ENY2: variants seen among roughly 807,000 people sequenced by gnomAD.
The protein encoded by ENY2 is ENY2 transcription and export complex 2 subunit, also known as transcription and mRNA export factor ENY2.
Under a neutral mutation model 15.9 loss-of-function variants are expected in ENY2, and 4 were observed. The ratio of observed to expected loss-of-function variants is 0.25; its 90% CI spans 0.12 to 0.57. The LOEUF (loss-of-function observed/expected upper bound fraction) is 0.57, where lower values mean the gene tolerates loss of function less well. Ranked by LOEUF, ENY2 falls within the 20% of genes least tolerant of loss-of-function variation. The probability of loss-of-function intolerance (pLI) is 0.91; values close to 1 mark genes in which losing one functional copy is unlikely to be tolerated. For missense variants in ENY2, 54 were observed against 117.2 expected, an observed-to-expected ratio of 0.46 and a Z score of 2.49; for synonymous variants, 48 against 38.0, an observed-to-expected ratio of 1.26 and a Z score of -0.97.
In ENY2 at chr8:109,345,781, A is replaced by G. The variant is rs1324990146; in HGVS notation, c.*2300A>G. ...ATATTTTAAAATGGGATTTAAAAAT[A>G]ATTGAGAACATCACAGCAATTTAGA... On this transcript the variant is annotated 3_prime_UTR_variant, in exon 5 of 5. Transcript: ENST00000521688. 1 of 152,236 alleles carries G rather than the reference A, an allele frequency of 6.6e-6. No individual in the cohort carries two copies. Among genetic ancestry groups the G allele is most frequent in the East Asian group, 1.9e-4 (1 of 5,198 alleles). 9.4% of individuals were successfully genotyped at this position (152,236 alleles called of 1,614,324 possible). A position where few individuals can be genotyped will look rare whatever the true frequency, so the allele number is the denominator to read the frequency against.
intron 1 of ENY2, 60 bp downstream of exon 1, chr8:109,334,534 T>C (rs1020941112): frequency 6.3e-7 from 1 of 1,577,710 alleles, no homozygotes; most frequent in African/African-American, 1.4e-5. Flanking sequence ...CTCCTTTCGA[T>C]GTACTGTCTT....
chr8:109,344,021 C>G lies in ENY2; in HGVS notation c.*540C>G, dbSNP rs1344050220. ...GAACATTTGCAAGTTGGCTCCATAC[C>G]AAGCTCCTTCCACATACTCTACTCA... On this transcript the variant is annotated 3_prime_UTR_variant, in exon 5 of 5. Coordinates refer to ENST00000521688, the MANE Select transcript of ENY2 (RefSeq NM_020189.6). 6.6e-6 allele frequency: 1 copy of G among 152,230 alleles called. No homozygotes were observed. Among genetic ancestry groups the G allele is most frequent in the Non-Finnish European group, 1.5e-5 (1 of 68,110 alleles). 9.4% of individuals were successfully genotyped at this position (152,230 alleles called of 1,614,324 possible).
chr8:109,335,996 T>C (rs1563691100), intron 1 of ENY2, 132 bp from the exon 2 acceptor site: 19 of 760,268 alleles, frequency 2.5e-5, no homozygotes, highest in South Asian at 1.5e-4. Context: ...AGTAATGATA[T>C]TATTAACACA....
chr8:109,343,368 A>G (rs751683979), intron 4 of ENY2, 37 bp from the exon 5 acceptor site: 3 of 1,518,400 alleles, frequency 2.0e-6, no homozygotes, highest in Middle Eastern at 1.7e-4. Context: ...ATTAATTGGT[A>G]CCTTCTTACT....
intron 2 of ENY2, among the ~76,000 whole-genome samples, chr8:109,337,640 A>G (rs1391974824): frequency 6.6e-6 from 1 of 152,212 alleles, no homozygotes; most frequent in Non-Finnish European, 1.5e-5. Context: ...ATAGTGGCTC[A>G]CGCCTGTAAT....
intron 2 of ENY2, 53 bp from the exon 3 acceptor site, chr8:109,339,267 C>T (rs1816064050): frequency 9.8e-6 from 15 of 1,535,184 alleles, no homozygotes; most frequent in Non-Finnish European, 1.3e-5. Context: ...TTCATACATT[C>T]CTGTCTAAGA....
At chr8:109,341,534 GACTT>G (rs1160116131) in intron 4 of ENY2, among the ~76,000 whole-genome samples, 1 of 151,676 alleles carries the variant, frequency 6.6e-6, no homozygotes, top group African/African-American at 2.4e-5. Context: ...TTTCTTCTGT[GACTT>G]ACACTTATTC....
rs1051195079 is a variant in ENY2, at chr8:109,345,027, A to G, written c.*1546A>G. On this transcript the variant is annotated 3_prime_UTR_variant, in exon 5 of 5. Coordinates refer to ENST00000521688, the MANE Select transcript of ENY2 (RefSeq NM_020189.6). ...TCTCTAGTTAGACTAAAGAATCCCCACTATGAAGTTGTTTCATCCGTAAGT... is the reference window on the plus strand; with the variant it reads ...TCTCTAGTTAGACTAAAGAATCCCCGCTATGAAGTTGTTTCATCCGTAAGT... The G allele has an allele frequency of 9.8e-5, 15 of 152,292 alleles. No individual in the cohort carries two copies. Among genetic ancestry groups the G allele is most frequent in the African/African-American group, 3.6e-4 (15 of 41,564 alleles). The allele number at this position is 152,292 out of a possible 1,614,324, so 9.4% of individuals were successfully genotyped here. A position where few individuals can be genotyped will look rare whatever the true frequency, so the allele number is the denominator to read the frequency against.
At chr8:109,340,264 A>G (rs1816084749) in intron 3 of ENY2, 3 of 528,612 alleles carry the variant, frequency 5.7e-6, no homozygotes, top group Admixed American at 3.4e-5. Context: ...AAGTGTCACA[A>G]TTATTTAGTT....
intron 3 of ENY2, 165 bp from the exon 4 acceptor site, chr8:109,340,324 A>G (rs1239178028): frequency 1.1e-6 from 1 of 931,042 alleles, no homozygotes; most frequent in East Asian, 2.8e-5. Flanking sequence ...TTTAGATCTA[A>G]AGAATACTTG....
intron 2 of ENY2, 30 bp from the exon 3 acceptor site, chr8:109,339,290 T>A (rs1159174690): frequency 6.2e-7 from 1 of 1,603,386 alleles, no homozygotes; most frequent in Non-Finnish European, 8.5e-7. Context: ...TTATACATTG[T>A]TCAATTTGAA....
chr8:109,340,857 T>C (rs952087353), intron 4 of ENY2: 2 of 252,338 alleles, frequency 7.9e-6, no homozygotes, highest in Non-Finnish European at 1.5e-5. Context: ...TACATGAAGC[T>C]AGGATTTATA....
In ENY2 at chr8:109,339,155, A is replaced by G. The variant is rs1478920557; in HGVS notation, c.84-165A>G. 9 of 598,908 alleles carry G rather than the reference A, an allele frequency of 1.5e-5. No individual in the cohort carries two copies. In the East Asian group the frequency reaches 2.0e-4, roughly 13 times the overall value. 37.1% of individuals were successfully genotyped at this position (598,908 alleles called of 1,614,324 possible). A position where few individuals can be genotyped will look rare whatever the true frequency, so the allele number is the denominator to read the frequency against. ...AAAGGCCTAGAATTTAAGTACTTGC[A>G]TGAGATCAAAGAACTATTTAGCATT... On this transcript the variant is annotated intron_variant, in intron 2 of 4. Coordinates refer to ENST00000521688, the MANE Select transcript of ENY2 (RefSeq NM_020189.6).
intron 1 of ENY2, chr8:109,334,708 T>G: frequency 1.8e-6 from 1 of 561,844 alleles, no homozygotes; most frequent in Non-Finnish European, 3.1e-6. Flanking sequence ...ATGTCTGAAC[T>G]GGGAGGGATA....
chr8:109,334,369 C>G lies in ENY2; in HGVS notation c.-100C>G, dbSNP rs1369694016. 6.4e-7 allele frequency: 1 copy of G among 1,560,312 alleles called. No individual in the cohort carries two copies. The highest frequency in any genetic ancestry group is 8.8e-7 in the Non-Finnish European group (1 of 1,137,638). ...TCTGTGTGCTTAGGTGCCCGAGCTA[C>G]TGAGGGTCTAAGTCCGGGCAGCCGA... is the stretch of plus-strand genomic sequence containing the variant. On this transcript the variant is annotated 5_prime_UTR_variant, in exon 1 of 5. Transcript: ENST00000521688.
intron 4 of ENY2, chr8:109,342,650 GAC>G (rs1816147295): frequency 1.4e-6 from 1 of 689,664 alleles, no homozygotes; most frequent in Non-Finnish European, 2.6e-6. Flanking sequence ...TGAGACCACA[GAC>G]ACACACCACC....
intron 1 of ENY2, chr8:109,335,202 G>A (rs1815936222): frequency 1.3e-5 from 2 of 152,150 alleles, no homozygotes; most frequent in Admixed American, 1.3e-4. Flanking sequence ...TTAGGAATTA[G>A]TTTGAGATTT....
At chr8:109,339,203 TA>T in intron 2 of ENY2, 116 bp from the exon 3 acceptor site, 2 of 836,434 alleles carry the variant, frequency 2.4e-6, no homozygotes, top group East Asian at 5.1e-5. Context: ...AGGCCACAGT[TA>T]AAGTTTTGTA....
At chr8:109,338,250 A>G (rs560744220) in intron 2 of ENY2, 5 of 152,350 alleles carry the variant, frequency 3.3e-5, no homozygotes, top group South Asian at 2.1e-4. Context: ...CTAGAGTAGT[A>G]ATGGCGGAGA....
Sources: allele counts gnomAD v4.1 joint callset (sites outside exome capture counted in the v4.1 genomes callset), GRCh38; gene constraint gnomAD v4.1.1; transcripts MANE v1.5; gene names NCBI Gene and HGNC (gene_info 2026-07-23, HGNC 2026-07-21).